The following DHX33 variants were observed in gnomAD, a reference collection of about 807,000 sequenced individuals.
DHX33 encodes DEAH-box helicase 33, also known as ATP-dependent RNA helicase DHX33.
A neutral mutation model predicts 72.5 loss-of-function variants in DHX33; 42 were observed. The ratio of observed to expected loss-of-function variants is 0.58; its 90% CI spans 0.45 to 0.75. The LOEUF (loss-of-function observed/expected upper bound fraction) is 0.75, where lower values mean the gene tolerates loss of function less well. DHX33 is among the 30% of genes least tolerant of loss of function. The probability of loss-of-function intolerance (pLI) is 0.00; values close to 1 mark genes in which losing one functional copy is unlikely to be tolerated. For missense variants in DHX33, 842 were observed against 917.5 expected, an observed-to-expected ratio of 0.92 and a Z score of 1.06; for synonymous variants, 358 against 366.1, an observed-to-expected ratio of 0.98 and a Z score of 0.25.
chr17:5,463,032 T>A (rs1001041922), intron 2 of DHX33, among the ~76,000 whole-genome samples: 1 of 152,012 alleles, frequency 6.6e-6, no homozygotes, highest in Non-Finnish European at 1.5e-5. Flanking sequence ...TGAGCCAAGA[T>A]TGCGCCACTG....
intron 4 of DHX33, among the ~76,000 whole-genome samples, chr17:5,459,221 A>T (rs1904469354): frequency 1.3e-5 from 2 of 152,214 alleles, no homozygotes; most frequent in Admixed American, 1.3e-4. Flanking sequence ...TTAATTAAAT[A>T]AAAAGTTATT....
In DHX33 at chr17:5,445,180, G is replaced by A. The variant is rs553473370; in HGVS notation, c.1816-667C>T. On this transcript the variant is annotated intron_variant, in intron 11 of 11. Transcript: ENST00000225296. ...TGCAACCTCCACCTCCCAGGTTCAA[G>A]CTATTCTCCTGCCCTAGCCTCCCAA... Among the ~76,000 whole-genome samples the A allele has an allele frequency of 2.6e-5, 4 of 152,052 alleles. No individual in the cohort carries two copies. In the South Asian group the frequency reaches 8.3e-4, roughly 32 times the overall value.
chr17:5,444,564 G>A lies in DHX33; in HGVS notation c.1816-51C>T. The A allele has an allele frequency of 6.4e-7, 1 of 1,571,670 alleles. No individual in the cohort carries two copies. Among genetic ancestry groups the A allele is most frequent in the South Asian group, 1.2e-5 (1 of 84,194 alleles). On this transcript the variant is annotated intron_variant, in intron 11 of 11. Coordinates refer to ENST00000225296, the MANE Select transcript of DHX33 (RefSeq NM_020162.4). This position sits in a 1 kb window ranked among gnomAD's most constrained non-coding sequence, Gnocchi z 4.9. ...GAGCCGACCCCACACGTAAACACTG[G>A]TCAGCACTACACAGCGTGTTGGGGC...
intron 8 of DHX33, among the ~76,000 whole-genome samples, chr17:5,453,258 G>A (rs897523313): frequency 1.4e-4 from 21 of 152,224 alleles, no homozygotes; most frequent in Admixed American, 2.6e-4. Flanking sequence ...GAACACTGGC[G>A]CATGCCTGTG....
intron 10 of DHX33, 118 bp from the exon 11 acceptor site, chr17:5,449,013 C>A (rs963781669): frequency 8.1e-6 from 5 of 619,326 alleles, no homozygotes; most frequent in Non-Finnish European, 1.3e-5. Flanking sequence ...TAGCTCACTG[C>A]AAACCAATCC....
Position 5,444,394 on chromosome 17 carries a change from G to A in DHX33, c.1935C>T (p.Asp645=), listed in dbSNP as rs753475890. The part of the protein sequence containing the change: ...LQPDGTYATT[D]THQPVAIHPS... ...GGTGGATGGCCACTGGCTGGTGGGT[G>A]TCCGTGGTGGCATAGGTGCCATCTG... Residue 645 remains aspartate, a synonymous_variant, in exon 12 of 12, where the codon GAC becomes GAT. Transcript: ENST00000225296. The surrounding 1 kb of genome is among the most constrained non-coding windows in gnomAD (Gnocchi z 4.9). 2 of 1,614,254 alleles carry A rather than the reference G, an allele frequency of 1.2e-6. No individual in the cohort carries two copies. The highest frequency in any genetic ancestry group is 1.7e-6 in the Non-Finnish European group (2 of 1,180,050).
At chr17:5,457,686 T>G (rs986771579) in intron 4 of DHX33, among the ~76,000 whole-genome samples, 1 of 151,866 alleles carries the variant, frequency 6.6e-6, no homozygotes, top group Non-Finnish European at 1.5e-5. Context: ...TATGTATATA[T>G]GTAAAAATAC....
In DHX33 at chr17:5,450,848, T is replaced by C. The variant is rs1224740351; in HGVS notation, c.1483A>G (p.Arg495Gly). 1 of 1,614,238 alleles carries C rather than the reference T, an allele frequency of 6.2e-7. No homozygotes were observed. The highest frequency in any genetic ancestry group is 8.5e-7 in the Non-Finnish European group (1 of 1,180,040). ...DDQLTLTPMG[R>G]KMAAFPLEPK... Reference sequence around the variant, plus strand: ...TCTAAAGGAAATGCTGCCATCTTTCTTCCCATTGGAGTCAGGGTAAGCTGG... The same window carrying C: ...TCTAAAGGAAATGCTGCCATCTTTCCTCCCATTGGAGTCAGGGTAAGCTGG... The change falls in exon 9 of 12, where the codon AGA becomes GGA. Residue 495 changes from arginine (R) to glycine (G), a missense_variant. Transcript: ENST00000225296.
intron 4 of DHX33, among the ~76,000 whole-genome samples, chr17:5,457,929 G>T (rs1230534032): frequency 6.6e-6 from 1 of 152,072 alleles, no homozygotes; most frequent in African/African-American, 2.4e-5. Context: ...CGACAGTAAA[G>T]GCCACTGTCT....
In DHX33 at chr17:5,450,366, A is replaced by C; in HGVS notation, c.1565T>G (p.Ile522Ser). 6.2e-7 allele frequency: 1 copy of C among 1,614,174 alleles called. No individual in the cohort carries two copies. The highest frequency in any genetic ancestry group is 1.1e-5 in the South Asian group (1 of 91,086). Reference protein sequence around the residue: ...MSPKFHCTEEILTIVSLLSVD... With the variant: ...MSPKFHCTEESLTIVSLLSVD... ...AGACAGCAGGGAGACAATGGTCAGG[A>C]TCTCCTCTGTACAGTGGAATTTGGG... is the stretch of plus-strand genomic sequence containing the variant. Residue 522 changes from isoleucine (I) to serine (S), a missense_variant, in exon 10 of 12, where the codon ATC (isoleucine) becomes AGC (serine). By Grantham distance (142) the Ile-to-Ser change is moderately radical (BLOSUM62 -2). Transcript: ENST00000225296.
chr17:5,459,966 C>T (rs1051637309), intron 4 of DHX33, among the ~76,000 whole-genome samples: 2 of 150,504 alleles, frequency 1.3e-5, no homozygotes, highest in African/African-American at 2.4e-5. Flanking sequence ...GTTTCATAGA[C>T]CTATTTCAGT....
At chr17:5,464,191 G>A (rs1172578977) in intron 1 of DHX33, among the ~76,000 whole-genome samples, 7 of 152,080 alleles carry the variant, frequency 4.6e-5, no homozygotes, top group Non-Finnish European at 1.0e-4. Context: ...TTAGTTGGAC[G>A]TGGTGGTGCA....
At chr17:5,465,927 C>A (rs1407856250) in intron 1 of DHX33, among the ~76,000 whole-genome samples, 1 of 152,196 alleles carries the variant, frequency 6.6e-6, no homozygotes, top group African/African-American at 2.4e-5. Flanking sequence ...TACATCCGTT[C>A]TCTAGCCCTG....
At chr17:5,446,083 T>C (rs936766070) in intron 11 of DHX33, among the ~76,000 whole-genome samples, 1 of 152,266 alleles carries the variant, frequency 6.6e-6, no homozygotes, top group Middle Eastern at 3.4e-3. Context: ...CAAGCGATTT[T>C]TGTGCCTCAG....
At chr17:5,465,975 G>A (rs1177252612) in intron 1 of DHX33, among the ~76,000 whole-genome samples, 1 of 152,102 alleles carries the variant, frequency 6.6e-6, no homozygotes, top group Admixed American at 6.6e-5. Flanking sequence ...GACCAGCCCT[G>A]CATCTAGCCC....
chr17:5,445,903 G>T lies in DHX33; in HGVS notation c.1816-1390C>A, dbSNP rs559036276. The stretch of plus-strand genomic sequence containing the variant: ...CAGAGATACCTTTCCATCCTTGGAA[G>T]AATCTTTATTTTGTCCTTTATGATG... On this transcript the variant is annotated intron_variant, in intron 11 of 11. Coordinates refer to ENST00000225296, the MANE Select transcript of DHX33 (RefSeq NM_020162.4). Among the ~76,000 whole-genome samples, 5 of 152,286 alleles carry T rather than the reference G, an allele frequency of 3.3e-5. No individual in the cohort carries two copies. The East Asian group carries it at 9.6e-4, about 29-fold the overall frequency.
At chr17:5,451,530 G>A (rs370740856) in intron 8 of DHX33, among the ~76,000 whole-genome samples, 20 of 152,110 alleles carry the variant, frequency 1.3e-4, no homozygotes, top group African/African-American at 4.1e-4. Flanking sequence ...GATACACATC[G>A]CACAGAGACC....
chr17:5,462,379 G>A lies in DHX33; in HGVS notation c.618C>T (p.Leu206=), dbSNP rs772579675. Residue 206 remains leucine, a synonymous_variant, in exon 3 of 12, where the codon CTC becomes CTT. Coordinates refer to ENST00000225296, the MANE Select transcript of DHX33 (RefSeq NM_020162.4). ...AHERTIHTDV[L]FGVVKAAQKR... ...TCTGTGCAGCTTTCACCACTCCAAA[G>A]AGCACATCTGTGTGGATAGTCCGTT... 6.2e-6 allele frequency: 10 copies of A among 1,614,172 alleles called. No individual in the cohort carries two copies. In the South Asian group the frequency reaches 1.1e-4, roughly 18 times the overall value.
At position 5,444,369 on chromosome 17, in the gene DHX33, G is replaced by A. The variant is rs2151681058; in HGVS notation, c.1960C>T (p.Pro654Ser). 1 of 1,614,268 alleles carries A rather than the reference G, an allele frequency of 6.2e-7. No homozygotes were observed. The highest frequency in any genetic ancestry group is 1.1e-5 in the South Asian group (1 of 91,090). The change falls in exon 12 of 12, where the codon CCG (proline) becomes TCG (serine). Residue 654 changes from proline to serine, a missense_variant. By Grantham distance (74) the Pro-to-Ser change is moderately conservative. Coordinates refer to ENST00000225296, the MANE Select transcript of DHX33 (RefSeq NM_020162.4). This position sits in a 1 kb window ranked among gnomAD's most constrained non-coding sequence, Gnocchi z 4.9. ...TTGCAGTGGAAGAGGACAGACGACG[G>A]GTGGATGGCCACTGGCTGGTGGGTG... Reference protein sequence around the residue: ...TDTHQPVAIHPSSVLFHCKPA... With the variant: ...TDTHQPVAIHSSSVLFHCKPA...
Sources: gnomAD v4.1 joint callset for allele counts (sites outside exome capture counted in the v4.1 genomes callset) on GRCh38, gnomAD v4.1.1 for gene constraint, Gnocchi (gnomAD v3.1) non-coding constraint, MANE v1.5 for transcripts, NCBI Gene and HGNC (gene_info 2026-07-23, HGNC 2026-07-21) for gene names.